ABTB2: variants seen among roughly 807,000 people sequenced by gnomAD.
ABTB2 encodes ankyrin repeat and BTB domain containing 2.
ABTB2 carries 56 observed loss-of-function variants against 104.1 expected under a neutral mutation model. The ratio of observed to expected loss-of-function variants is 0.54; its 90% CI spans 0.43 to 0.67. The LOEUF (loss-of-function observed/expected upper bound fraction) is 0.67, where lower values mean the gene tolerates loss of function less well. Ranked by LOEUF, ABTB2 falls within the 30% of genes least tolerant of loss-of-function variation. ABTB2 has a pLI of 0.00. For synonymous variants in ABTB2, 606 were observed against 608.2 expected, an observed-to-expected ratio of 1.00 and a Z score of 0.05; for missense variants, 1,279 against 1,407.7, an observed-to-expected ratio of 0.91 and a Z score of 1.46.
intron 14 of ABTB2, among the ~76,000 whole-genome samples, chr11:34,155,356 C>T (rs540751103): frequency 3.5e-4 from 54 of 152,236 alleles, no homozygotes; most frequent in Non-Finnish European, 7.1e-4. Flanking sequence ...AGCCCAGGCC[C>T]GGAGGCCCGG....
At chr11:34,196,296 G>A (rs1352699988) in intron 3 of ABTB2, among the ~76,000 whole-genome samples, 1 of 152,234 alleles carries the variant, frequency 6.6e-6, no homozygotes, top group African/African-American at 2.4e-5. Context: ...GCTCACGCCT[G>A]TAATCCCAGC....
At chr11:34,164,141 T>C (rs1388381278) in intron 9 of ABTB2, among the ~76,000 whole-genome samples, 2 of 59,652 alleles carry the variant, frequency 3.4e-5, no homozygotes, top group South Asian at 6.8e-4. Context: ...GTTTCTGCCC[T>C]GTAATAAGCC....
At chr11:34,318,860 C>G (rs1184897940) in intron 1 of ABTB2, among the ~76,000 whole-genome samples, 1 of 152,200 alleles carries the variant, frequency 6.6e-6, no homozygotes, top group African/African-American at 2.4e-5. Context: ...TATAAACCCC[C>G]CTGTTTGGAG....
intron 5 of ABTB2, among the ~76,000 whole-genome samples, chr11:34,168,570 A>T (rs1253135704): frequency 1.3e-5 from 2 of 152,132 alleles, no homozygotes; most frequent in Non-Finnish European, 2.9e-5. Flanking sequence ...TAATATTCCC[A>T]TCCTCCCCAT....
intron 1 of ABTB2, among the ~76,000 whole-genome samples, chr11:34,274,990 T>C (rs1464842297): frequency 6.6e-6 from 1 of 152,174 alleles, no homozygotes; most frequent in Non-Finnish European, 1.5e-5. Flanking sequence ...GCCTGAATCC[T>C]GGCCTCTGAA....
chr11:34,174,339 A>G (rs55802279), intron 3 of ABTB2, among the ~76,000 whole-genome samples: 31 of 91,626 alleles, frequency 3.4e-4, no homozygotes, highest in East Asian at 1.5e-3. Context: ...AAAAAAAAAA[A>G]AAAAAAAAAA....
At chr11:34,326,761 T>C (rs569840179) in intron 1 of ABTB2, among the ~76,000 whole-genome samples, 3 of 151,836 alleles carry the variant, frequency 2.0e-5, no homozygotes, top group Admixed American at 1.3e-4. Flanking sequence ...TTAGATTAAA[T>C]GTAAATGTTC....
intron 3 of ABTB2, among the ~76,000 whole-genome samples, chr11:34,192,671 C>T (rs968536655): frequency 3.3e-5 from 5 of 152,240 alleles, no homozygotes; most frequent in East Asian, 1.9e-4. Flanking sequence ...GCAAGCGGAC[C>T]GCTCTGTGGA....
chr11:34,232,823 A>AT (rs1853789671), intron 1 of ABTB2, among the ~76,000 whole-genome samples: 1 of 151,734 alleles, frequency 6.6e-6, no homozygotes, highest in Non-Finnish European at 1.5e-5. Context: ...AATAAATAAA[A>AT]TTAGCCAGGC....
At chr11:34,335,916 C>T in intron 1 of ABTB2, 1 of 716,258 alleles carries the variant, frequency 1.4e-6, no homozygotes, top group Non-Finnish European at 2.4e-6. Context: ...GTTGAAAAGG[C>T]TTTGGGATTG....
intron 1 of ABTB2, among the ~76,000 whole-genome samples, chr11:34,231,522 G>A (rs1361680107): frequency 6.6e-6 from 1 of 152,130 alleles, no homozygotes; most frequent in Admixed American, 6.5e-5. Flanking sequence ...GGGTGGTCAA[G>A]GTTAACATCA....
rs556589014 is a variant in ABTB2, at chr11:34,221,431, T to C, written c.884-16741A>G. On this transcript the variant is annotated intron_variant, in intron 1 of 16. Transcript: ENST00000435224. ...CAACACAGGAATCTTGAGAGGTACA[T>C]AGTTCAGCCCCTAAAGGTCAGGTTT... Among the ~76,000 whole-genome samples, 11 of 152,356 alleles carry C rather than the reference T, an allele frequency of 7.2e-5. No homozygotes were observed. The East Asian group carries it at 1.7e-3, about 24-fold the overall frequency.
chr11:34,162,301 T>C (rs1276720562), intron 10 of ABTB2, among the ~76,000 whole-genome samples: 1 of 152,124 alleles, frequency 6.6e-6, no homozygotes, highest in African/African-American at 2.4e-5. Flanking sequence ...GCAGCGAAGC[T>C]CCAGCCAGGC....
intron 1 of ABTB2, among the ~76,000 whole-genome samples, chr11:34,227,735 CT>C (rs892512045): frequency 6.6e-6 from 1 of 150,832 alleles, no homozygotes. Context: ...TTTTTTTCTT[CT>C]TTTTTTTTAT....
intron 3 of ABTB2, among the ~76,000 whole-genome samples, chr11:34,173,787 C>T (rs1852920837): frequency 6.6e-6 from 1 of 150,852 alleles, no homozygotes; most frequent in Admixed American, 6.6e-5. Context: ...GACCCAGGTC[C>T]AAACCCAGGG....
chr11:34,171,200 G>C (rs1030026105), intron 4 of ABTB2, 129 bp from the exon 5 acceptor site: 1 of 956,336 alleles, frequency 1.0e-6, no homozygotes. Flanking sequence ...AGGGAGTTAT[G>C]ATCAGATCAG....
chr11:34,231,755 A>G (rs1461864560), intron 1 of ABTB2, among the ~76,000 whole-genome samples: 2 of 152,168 alleles, frequency 1.3e-5, no homozygotes, highest in African/African-American at 2.4e-5. Flanking sequence ...TATTTTTAGT[A>G]GAGATGGGGT....
chr11:34,234,642 C>T (rs896426188), intron 1 of ABTB2, among the ~76,000 whole-genome samples: 1 of 152,128 alleles, frequency 6.6e-6, no homozygotes, highest in African/African-American at 2.4e-5. Flanking sequence ...GTGCTTTGTG[C>T]GGAATCTTTT....
At position 34,170,952 on chromosome 11, in the gene ABTB2, G is replaced by A. The variant is rs1185843529; in HGVS notation, c.1517C>T (p.Ala506Val). The A allele has an allele frequency of 1.2e-6, 2 of 1,614,070 alleles. No individual in the cohort carries two copies. The highest frequency in any genetic ancestry group is 1.3e-5 in the African/African-American group (1 of 74,918). The change falls in exon 5 of 17, where the codon GCC becomes GTC. Residue 506 changes from alanine to valine, a missense_variant. Ala to Val is a moderately conservative substitution (Grantham distance 64). Transcript: ENST00000435224. The stretch of plus-strand genomic sequence containing the variant: ...CCCATCCGGACCCAAGGCCTCGATG[G>A]CTTGGTTGATGAGGTCCGTCCTCCC... ...NCGRTDLINQ[A>V]IEALGPDGVN...
Sources: gnomAD v4.1 joint callset for allele counts (sites outside exome capture counted in the v4.1 genomes callset) on GRCh38, gnomAD v4.1.1 for gene constraint, MANE v1.5 for transcripts, NCBI Gene and HGNC (gene_info 2026-07-23, HGNC 2026-07-21) for gene names.